The following ZNF804B variants were observed in gnomAD, a reference collection of about 807,000 sequenced individuals.
ZNF804B encodes zinc finger protein 804B.
Under a neutral mutation model 101.4 loss-of-function variants are expected in ZNF804B, and 80 were observed. The ratio of observed to expected loss-of-function variants is 0.79; its 90% CI spans 0.66 to 0.95. The LOEUF (loss-of-function observed/expected upper bound fraction) is 0.95, where lower values mean the gene tolerates loss of function less well. Ranked by LOEUF, ZNF804B falls within the 40% of genes least tolerant of loss-of-function variation. The pLI is 0.00. For missense variants in ZNF804B, 1,673 were observed against 1,561.9 expected (o/e 1.07, Z -1.20); for synonymous variants, 622 against 558.8 (o/e 1.11, Z -1.59).
intron 3 of ZNF804B, among the ~76,000 whole-genome samples, chr7:89,329,024 A>G (rs1212369479): frequency 1.3e-5 from 2 of 151,578 alleles, no homozygotes; most frequent in African/African-American, 4.8e-5. Flanking sequence ...ATGATGGTTT[A>G]TTTAGAAGTT....
intron 1 of ZNF804B, among the ~76,000 whole-genome samples, chr7:89,063,848 C>T (rs970702548): frequency 4.6e-5 from 7 of 152,104 alleles, no homozygotes; most frequent in African/African-American, 1.7e-4. Context: ...GCGTCAATAG[C>T]TAGGACTGTC....
rs372901696 is a variant in ZNF804B, at chr7:88,794,672, T to C, written c.108+34588T>C. ...ATATGCAGAATGGAAGTGGGATAGA[T>C]GAGCAGCAATCCTGTCACTGCTTCT... On this transcript the variant is annotated intron_variant, in intron 1 of 3. Transcript: ENST00000333190. The C allele has an allele frequency of 5.6e-6, 9 of 1,613,676 alleles. No individual in the cohort carries two copies. The African/African-American group carries it at 9.3e-5, about 17-fold the overall frequency.
Position 88,772,913 on chromosome 7 carries a change from G to T in ZNF804B, c.108+12829G>T, listed in dbSNP as rs137907466. Among the ~76,000 whole-genome samples the T allele has an allele frequency of 1.7e-3, 265 of 152,272 alleles. 2 individuals carry two copies. The highest frequency in any genetic ancestry group is 3.4e-3 in the Middle Eastern group (1 of 294). On this transcript the variant is annotated intron_variant, in intron 1 of 3. Coordinates refer to ENST00000333190, the MANE Select transcript of ZNF804B (RefSeq NM_181646.5). ...TAAAGGTGGGGGGAAGGTCTTGAATGGTGAAAGCTTCTTCCTTTTCCTCTG... is the reference window on the plus strand; with the variant it reads ...TAAAGGTGGGGGGAAGGTCTTGAATTGTGAAAGCTTCTTCCTTTTCCTCTG...
Position 88,881,478 on chromosome 7 carries a change from T to C in ZNF804B, c.108+121394T>C, listed in dbSNP as rs919921431. On this transcript the variant is annotated intron_variant, in intron 1 of 3. Coordinates refer to ENST00000333190, the MANE Select transcript of ZNF804B (RefSeq NM_181646.5). ...ATGCAGAGATTTCATGGTCTAAGAATAGAACAATCAGCACTCTTTGTGTTC... is the reference window on the plus strand; with the variant it reads ...ATGCAGAGATTTCATGGTCTAAGAACAGAACAATCAGCACTCTTTGTGTTC... 5.9e-5 allele frequency among the ~76,000 whole-genome samples: 9 copies of C among 152,274 alleles called. No homozygotes were observed. The East Asian group carries it at 1.4e-3, about 23-fold the overall frequency.
At chr7:88,952,759 G>A (rs1254238977) in intron 1 of ZNF804B, among the ~76,000 whole-genome samples, 2 of 151,758 alleles carry the variant, frequency 1.3e-5, no homozygotes, top group Non-Finnish European at 2.9e-5. Flanking sequence ...TGATCTGTTT[G>A]TCTTTCCCAG....
At chr7:89,013,515 G>C (rs1207258310) in intron 1 of ZNF804B, among the ~76,000 whole-genome samples, 1 of 151,996 alleles carries the variant, frequency 6.6e-6, no homozygotes, top group Admixed American at 6.6e-5. Context: ...TTTTTTAATT[G>C]ACACATAATA....
At chr7:88,964,211 G>C (rs1221853415) in intron 1 of ZNF804B, among the ~76,000 whole-genome samples, 1 of 151,232 alleles carries the variant, frequency 6.6e-6, no homozygotes, top group African/African-American at 2.4e-5. Flanking sequence ...GCAAGAACTT[G>C]AACAGATATT....
At position 89,334,918 on chromosome 7, in the gene ZNF804B, T is replaced by C. The variant is rs747896975; in HGVS notation, c.1936T>C (p.Leu646=). Reference sequence around the variant, plus strand: ...TAAATTGATTCCCTGCAGTCCTCATTTGGAATTTGAAGATGAAAGACAATT... The same window carrying C: ...TAAATTGATTCCCTGCAGTCCTCATCTGGAATTTGAAGATGAAAGACAATT... ...KHKLIPCSPH[L]EFEDERQFNC... is the part of the protein sequence containing the mutation. The change falls in exon 4 of 4, where the codon TTG becomes CTG. Residue 646 remains leucine, a synonymous_variant. Coordinates refer to ENST00000333190, the MANE Select transcript of ZNF804B (RefSeq NM_181646.5). 11 of 1,613,850 alleles carry C rather than the reference T, an allele frequency of 6.8e-6. No individual in the cohort carries two copies. In the South Asian group the frequency reaches 9.9e-5, roughly 14 times the overall value.
At chr7:89,094,624 TCTC>T (rs1194235174) in intron 1 of ZNF804B, among the ~76,000 whole-genome samples, 1 of 152,174 alleles carries the variant, frequency 6.6e-6, no homozygotes, top group East Asian at 1.9e-4. Context: ...TGGAAACTCT[TCTC>T]CTTTGCTACA....
chr7:89,033,870 A>T (rs1788880457), intron 1 of ZNF804B, among the ~76,000 whole-genome samples: 1 of 152,092 alleles, frequency 6.6e-6, no homozygotes, highest in East Asian at 1.9e-4. Context: ...CAGTTATGTT[A>T]TTTAGAAGAT....
intron 1 of ZNF804B, among the ~76,000 whole-genome samples, chr7:88,997,791 C>T (rs1436956365): frequency 6.6e-6 from 1 of 152,114 alleles, no homozygotes; most frequent in Non-Finnish European, 1.5e-5. Flanking sequence ...CCTTCCTCTC[C>T]TATCGCACCA....
chr7:89,294,314 T>C (rs929492330), intron 2 of ZNF804B, among the ~76,000 whole-genome samples: 2 of 152,220 alleles, frequency 1.3e-5, no homozygotes, highest in African/African-American at 4.8e-5. Context: ...CCCTCACATG[T>C]AAATGCTAAT....
chr7:89,235,514 C>T (rs1584074525), intron 2 of ZNF804B, among the ~76,000 whole-genome samples: 1 of 152,218 alleles, frequency 6.6e-6, no homozygotes, highest in South Asian at 2.1e-4. Flanking sequence ...ATTAAGGAAA[C>T]TGGAATACAT....
rs201597943 is a variant in ZNF804B, at chr7:89,208,081, G to GTTTTTTTTTT, written c.109-10074_109-10073insTTTTTTTTTT. ...GTGTGTTATATTTACTATTTTATTGGGTTTTTTTTTTTTTTTTTGAGACAG... is the reference window on the plus strand; with the variant it reads ...GTGTGTTATATTTACTATTTTATTGGTTTTTTTTTTGTTTTTTTTTTTTTTTTTGAGACAG... On this transcript the variant is annotated intron_variant, in intron 1 of 3. Coordinates refer to ENST00000333190, the MANE Select transcript of ZNF804B (RefSeq NM_181646.5). Among the ~76,000 whole-genome samples, 2 of 135,422 alleles carry GTTTTTTTTTT rather than the reference G, an allele frequency of 1.5e-5. 1 individual carries two copies. 88.8% of individuals were successfully genotyped at this position (135,422 alleles called of 152,430 possible). A position where few individuals can be genotyped will look rare whatever the true frequency, so the allele number is the denominator to read the frequency against.
intron 1 of ZNF804B, among the ~76,000 whole-genome samples, chr7:88,805,316 G>A (rs1790667486): frequency 6.6e-6 from 1 of 152,094 alleles, no homozygotes; most frequent in Non-Finnish European, 1.5e-5. Context: ...ATAACATATT[G>A]TTTTTATTCC....
intron 1 of ZNF804B, among the ~76,000 whole-genome samples, chr7:89,120,714 A>G (rs1193421126): frequency 1.3e-5 from 2 of 151,564 alleles, no homozygotes; most frequent in Non-Finnish European, 2.9e-5. Context: ...TCAGCACCTT[A>G]TGTCCAATGA....
chr7:88,997,093 T>G (rs1219360558), intron 1 of ZNF804B, among the ~76,000 whole-genome samples: 1 of 152,114 alleles, frequency 6.6e-6, no homozygotes, highest in Admixed American at 6.6e-5. Context: ...GATACACACT[T>G]GGAATGGTGA....
chr7:89,094,116 A>G (rs117747691), intron 1 of ZNF804B, among the ~76,000 whole-genome samples: 3,522 of 152,328 alleles, frequency 0.023, 56 homozygotes, highest in Non-Finnish European at 0.039. Context: ...AGAAAAATGA[A>G]GATGCGGCTA....
intron 1 of ZNF804B, among the ~76,000 whole-genome samples, chr7:88,849,706 AATTT>A (rs1791423542): frequency 6.6e-6 from 1 of 151,232 alleles, no homozygotes; most frequent in Non-Finnish European, 1.5e-5. Context: ...AAATTTTATT[AATTT>A]ATTATTTAAA....
Sources: gnomAD v4.1 joint callset for allele counts (sites outside exome capture counted in the v4.1 genomes callset) on GRCh38, gnomAD v4.1.1 for gene constraint, MANE v1.5 for transcripts, NCBI Gene and HGNC (gene_info 2026-07-23, HGNC 2026-07-21) for gene names.